Variants in ERO1A observed in about 807,000 individuals in gnomAD.
The protein encoded by ERO1A is endoplasmic reticulum oxidoreductase 1 alpha.
Under a neutral mutation model 76.9 loss-of-function variants are expected in ERO1A, and 49 were observed. That is an observed-to-expected ratio of 0.64 (90% CI 0.51 to 0.81). The LOEUF (loss-of-function observed/expected upper bound fraction) is 0.81. Among genes scored for constraint, ERO1A ranks in the 30% least tolerant of loss-of-function variants. The pLI, the probability that ERO1A is intolerant of heterozygous loss-of-function variation, is 0.00. For synonymous variants in ERO1A, 174 were observed against 181.2 expected (o/e 0.96, Z 0.32); for missense variants, 448 against 542.1 (o/e 0.83, Z 1.72).
intron 13 of ERO1A, among the ~76,000 whole-genome samples, chr14:52,651,462 C>CACATTATATATATATATTGATATATTAT (rs566720653): frequency 6.6e-6 from 1 of 151,942 alleles, no homozygotes; most frequent in Non-Finnish European, 1.5e-5. Flanking sequence ...TATATGAGAT[C>CACATTATATATATATATTGATATATTAT]ATCAATGTGA....
At chr14:52,655,901 T>C (rs2040027291) in intron 11 of ERO1A, among the ~76,000 whole-genome samples, 1 of 152,224 alleles carries the variant, frequency 6.6e-6, no homozygotes, top group African/African-American at 2.4e-5. Flanking sequence ...TCAATAAATG[T>C]ATATTTATTT....
chr14:52,648,174 T>TA (rs1222285529), intron 13 of ERO1A, among the ~76,000 whole-genome samples: 8 of 148,248 alleles, frequency 5.4e-5, no homozygotes, highest in Admixed American at 4.7e-4. Context: ...ACCTGTACAG[T>TA]AAGAGGTACT....
At chr14:52,656,888 T>C (rs2040068788) in intron 11 of ERO1A, among the ~76,000 whole-genome samples, 1 of 151,970 alleles carries the variant, frequency 6.6e-6, no homozygotes, top group Non-Finnish European at 1.5e-5. Flanking sequence ...TGGCCAAATC[T>C]TGTCTCTACA....
chr14:52,693,263 G>A (rs1594838948), intron 1 of ERO1A, among the ~76,000 whole-genome samples: 1 of 152,012 alleles, frequency 6.6e-6, no homozygotes, highest in African/African-American at 2.4e-5. Flanking sequence ...AATCTGGGTA[G>A]GCACAATCTA....
At chr14:52,648,470 A>T (rs1422011491) in intron 13 of ERO1A, among the ~76,000 whole-genome samples, 1 of 152,232 alleles carries the variant, frequency 6.6e-6, no homozygotes, top group Non-Finnish European at 1.5e-5. Context: ...TAGAGACAAG[A>T]CTATATACCA....
At chr14:52,660,931 T>C (rs1467678422) in intron 9 of ERO1A, among the ~76,000 whole-genome samples, 1 of 152,230 alleles carries the variant, frequency 6.6e-6, no homozygotes, top group Non-Finnish European at 1.5e-5. Flanking sequence ...ATACTCATCA[T>C]GCCCAGAACC....
chr14:52,661,247 T>A (rs1407023278), intron 9 of ERO1A, 46 bp downstream of exon 9: 5 of 755,534 alleles, frequency 6.6e-6, no homozygotes, highest in Middle Eastern at 3.9e-4. Context: ...AACATCTGAA[T>A]GTATAAACAA....
At chr14:52,648,316 G>A (rs1003284178) in intron 13 of ERO1A, among the ~76,000 whole-genome samples, 16 of 151,944 alleles carry the variant, frequency 1.1e-4, no homozygotes, top group Non-Finnish European at 1.8e-4. Flanking sequence ...TTAAACTAGA[G>A]CATTGACCAA....
chr14:52,678,576 C>A, intron 3 of ERO1A, 104 bp from the exon 4 acceptor site: 2 of 1,023,692 alleles, frequency 2.0e-6, no homozygotes, highest in South Asian at 2.9e-5. Flanking sequence ...AACAAATTAT[C>A]GAAGTTGGAT....
chr14:52,693,173 C>A (rs887262643), intron 1 of ERO1A, among the ~76,000 whole-genome samples: 3 of 152,020 alleles, frequency 2.0e-5, no homozygotes, highest in Non-Finnish European at 4.4e-5. Flanking sequence ...GTCACACAGG[C>A]TAGAGTGCAC....
At chr14:52,653,016 G>T in intron 12 of ERO1A, 53 bp downstream of exon 12, 2 of 1,285,082 alleles carry the variant, frequency 1.6e-6, no homozygotes, top group Non-Finnish European at 2.2e-6. Context: ...AATTTATCTT[G>T]TACATTAATT....
intron 4 of ERO1A, among the ~76,000 whole-genome samples, chr14:52,672,491 G>A (rs1347134026): frequency 6.6e-6 from 1 of 151,848 alleles, no homozygotes; most frequent in Non-Finnish European, 1.5e-5. Flanking sequence ...TTTAAAGCCT[G>A]GGTGTGGTGG....
intron 1 of ERO1A, among the ~76,000 whole-genome samples, chr14:52,693,514 C>T (rs892389106): frequency 5.9e-5 from 9 of 152,052 alleles, no homozygotes; most frequent in Non-Finnish European, 5.9e-5. Context: ...ATATATATTC[C>T]ATTGGTTCTA....
chr14:52,689,876 A>G (rs1315613488), intron 1 of ERO1A, among the ~76,000 whole-genome samples: 6 of 152,234 alleles, frequency 3.9e-5, no homozygotes, highest in African/African-American at 1.2e-4. Context: ...TGTAATTTCA[A>G]ATTATATTAC....
At chr14:52,671,147 T>C (rs540234559) in intron 6 of ERO1A, among the ~76,000 whole-genome samples, 2 of 152,376 alleles carry the variant, frequency 1.3e-5, no homozygotes, top group South Asian at 4.1e-4. Context: ...TCAAGATCCA[T>C]CCGTGTTGTA....
At chr14:52,682,056 A>G (rs978859127) in intron 3 of ERO1A, among the ~76,000 whole-genome samples, 1 of 152,186 alleles carries the variant, frequency 6.6e-6, no homozygotes, top group African/African-American at 2.4e-5. Flanking sequence ...TTATATTTAA[A>G]CTAAGGACTG....
intron 3 of ERO1A, among the ~76,000 whole-genome samples, chr14:52,679,635 T>A (rs946436665): frequency 1.3e-5 from 2 of 152,150 alleles, no homozygotes; most frequent in Non-Finnish European, 2.9e-5. Context: ...TGACCTCAAG[T>A]GATCTGCCTG....
intron 11 of ERO1A, among the ~76,000 whole-genome samples, chr14:52,654,442 T>C (rs900778598): frequency 3.9e-5 from 6 of 152,172 alleles, no homozygotes; most frequent in African/African-American, 1.4e-4. Flanking sequence ...TTTATTCTCA[T>C]TATAATTGAC....
At chr14:52,648,236 T>A (rs553952979) in intron 13 of ERO1A, among the ~76,000 whole-genome samples, 3 of 152,270 alleles carry the variant, frequency 2.0e-5, no homozygotes, top group Admixed American at 6.5e-5. Flanking sequence ...AGGTACTAAT[T>A]TTAAACCTAC....
Sources: allele counts gnomAD v4.1 joint callset (sites outside exome capture counted in the v4.1 genomes callset), GRCh38; gene constraint gnomAD v4.1.1; transcripts MANE v1.5; gene names NCBI Gene and HGNC (gene_info 2026-07-23, HGNC 2026-07-21).